Variants in KCNMA1 observed in about 807,000 individuals in gnomAD.
KCNMA1 encodes the protein potassium calcium-activated channel subfamily M alpha 1.
KCNMA1 carries 29 observed loss-of-function variants against 140.0 expected under a neutral mutation model. The observed-to-expected ratio is 0.21, with a 90% CI of 0.15 to 0.28. The LOEUF is 0.28. Among genes scored for constraint, KCNMA1 ranks in the 10% least tolerant of loss-of-function variants. The pLI is 1.00. For missense variants in KCNMA1, 880 were observed against 1,602.2 expected (o/e 0.55, Z 7.70); for synonymous variants, 612 against 611.9 (o/e 1.00, Z 0.00).
chr10:77,037,514 T>G (rs185258067), intron 15 of KCNMA1, among the ~76,000 whole-genome samples: 1 of 152,262 alleles, frequency 6.6e-6, no homozygotes, highest in Admixed American at 6.5e-5. Flanking sequence ...GTCCTGACCC[T>G]TCAAGTTACC....
intron 1 of KCNMA1, among the ~76,000 whole-genome samples, chr10:77,611,573 C>T (rs924059682): frequency 3.9e-5 from 6 of 152,208 alleles, no homozygotes; most frequent in African/African-American, 7.2e-5. Context: ...GATTCAGCTA[C>T]GTAAAGTCCC....
chr10:77,485,237 C>G (rs555896052), intron 1 of KCNMA1, among the ~76,000 whole-genome samples: 1 of 152,180 alleles, frequency 6.6e-6, no homozygotes, highest in Non-Finnish European at 1.5e-5. Flanking sequence ...ATATTACATA[C>G]GCAATAAAGT....
chr10:77,539,421 G>C (rs1567416861), intron 1 of KCNMA1, among the ~76,000 whole-genome samples: 1 of 152,218 alleles, frequency 6.6e-6, no homozygotes, highest in Admixed American at 6.5e-5. Context: ...TGGGATAAGT[G>C]AGTGGCCTGG....
chr10:77,275,975 AG>A (rs1465186854), intron 2 of KCNMA1, among the ~76,000 whole-genome samples: 1 of 152,146 alleles, frequency 6.6e-6, no homozygotes, highest in Non-Finnish European at 1.5e-5. Flanking sequence ...TCCCATGTCA[AG>A]TTCTTTATGC....
intron 12 of KCNMA1, among the ~76,000 whole-genome samples, chr10:77,081,914 T>A (rs2096576580): frequency 6.6e-6 from 1 of 150,408 alleles, no homozygotes; most frequent in Admixed American, 6.6e-5. Flanking sequence ...ACCCTGAACT[T>A]CCCACTTCTT....
intron 1 of KCNMA1, among the ~76,000 whole-genome samples, chr10:77,607,930 A>G (rs2085141679): frequency 6.6e-6 from 1 of 152,164 alleles, no homozygotes; most frequent in South Asian, 2.1e-4. Context: ...ATTAGGGGTT[A>G]AGTAATTCAC....
intron 1 of KCNMA1, among the ~76,000 whole-genome samples, chr10:77,427,716 C>CTTTTT (rs1566785142): frequency 2.0e-4 from 12 of 61,360 alleles, no homozygotes; most frequent in African/African-American, 9.6e-4. Context: ...AGCATCCATC[C>CTTTTT]ATTCATTTAT....
At chr10:76,969,144 A>C (rs77051022) in intron 20 of KCNMA1, among the ~76,000 whole-genome samples, 1 of 151,950 alleles carries the variant, frequency 6.6e-6, no homozygotes, top group Admixed American at 6.6e-5. Context: ...GAGATAAAAG[A>C]CAGATAGGCC....
chr10:77,279,882 T>C (rs1344179767), intron 2 of KCNMA1, among the ~76,000 whole-genome samples: 5 of 152,260 alleles, frequency 3.3e-5, no homozygotes, highest in Admixed American at 6.5e-5. Flanking sequence ...CTTTCTGTCA[T>C]GATTGTGAGG....
intron 3 of KCNMA1, among the ~76,000 whole-genome samples, chr10:77,231,067 TTTAA>T (rs1315429336): frequency 6.6e-6 from 1 of 152,222 alleles, no homozygotes; most frequent in Admixed American, 6.5e-5. Context: ...TAGCTTGGGC[TTTAA>T]TTGAGAAATC....
intron 2 of KCNMA1, among the ~76,000 whole-genome samples, chr10:77,310,931 G>A (rs189995032): frequency 6.3e-4 from 96 of 152,254 alleles, no homozygotes; most frequent in Non-Finnish European, 1.2e-3. Context: ...TATGTCTGAA[G>A]GCAAAACAAG....
chr10:77,415,091 A>G (rs1305233630), intron 1 of KCNMA1, among the ~76,000 whole-genome samples: 1 of 152,210 alleles, frequency 6.6e-6, no homozygotes, highest in Non-Finnish European at 1.5e-5. Context: ...GTACGGACAG[A>G]GAGTTGGAGA....
At chr10:77,141,951 G>A (rs556400834) in intron 5 of KCNMA1, among the ~76,000 whole-genome samples, 1 of 152,326 alleles carries the variant, frequency 6.6e-6, no homozygotes, top group Admixed American at 6.5e-5. Flanking sequence ...CTGGGTACTG[G>A]GTATTTGCTG....
chr10:77,070,423 G>T (rs575827848), intron 14 of KCNMA1, among the ~76,000 whole-genome samples: 1 of 152,104 alleles, frequency 6.6e-6, no homozygotes, highest in Non-Finnish European at 1.5e-5. Flanking sequence ...GGGTTCTGCC[G>T]CACCAAAAAA....
At chr10:77,018,808 G>A (rs992310237) in intron 17 of KCNMA1, among the ~76,000 whole-genome samples, 3 of 152,090 alleles carry the variant, frequency 2.0e-5, no homozygotes, top group African/African-American at 7.2e-5. Flanking sequence ...AGGTAACTAG[G>A]CTTCCTAGTT....
intron 23 of KCNMA1, among the ~76,000 whole-genome samples, chr10:76,923,428 CAAAAAAAAA>C (rs926235292): frequency 1.1e-5 from 1 of 89,198 alleles, no homozygotes; most frequent in African/African-American, 4.8e-5. Flanking sequence ...GACTCCGTCT[CAAAAAAAAA>C]AAAAAAAAGA....
At chr10:76,913,795 C>A in intron 24 of KCNMA1, 1 of 447,278 alleles carries the variant, frequency 2.2e-6, no homozygotes, top group East Asian at 3.6e-5. Flanking sequence ...TGAATTAGAG[C>A]AAATATGCTT....
intron 2 of KCNMA1, among the ~76,000 whole-genome samples, chr10:77,366,156 T>C (rs949966289): frequency 2.0e-5 from 3 of 151,674 alleles, no homozygotes; most frequent in African/African-American, 7.3e-5. Context: ...TTCTCTTTCT[T>C]TCTTTCTTCC....
intron 15 of KCNMA1, among the ~76,000 whole-genome samples, chr10:77,030,475 G>C (rs572178148): frequency 2.6e-5 from 4 of 152,146 alleles, no homozygotes; most frequent in Non-Finnish European, 4.4e-5. Flanking sequence ...CAGGGAGAAG[G>C]CTGATCTTAA....
Sources: allele counts gnomAD v4.1 joint callset (sites outside exome capture counted in the v4.1 genomes callset), GRCh38; gene constraint gnomAD v4.1.1; transcripts MANE v1.5; gene names NCBI Gene and HGNC (gene_info 2026-07-23, HGNC 2026-07-21).